The following LEPR variants were observed in gnomAD, a reference collection of about 807,000 sequenced individuals.
The protein encoded by LEPR is OB receptor.
Under a neutral mutation model 114.7 loss-of-function variants are expected in LEPR, and 56 were observed. The observed-to-expected ratio is 0.49, with a 90% CI of 0.39 to 0.61. LEPR has a LOEUF of 0.61. Ranked by LOEUF, LEPR falls within the 20% of genes least tolerant of loss-of-function variation. The pLI is 0.00. For missense variants in LEPR, 1,202 were observed against 1,352.9 expected, an observed-to-expected ratio of 0.89 and a Z score of 1.75; for synonymous variants, 443 against 461.4, an observed-to-expected ratio of 0.96 and a Z score of 0.51.
chr1:65,510,851 A>G (rs1311382415), intron 2 of LEPR, among the ~76,000 whole-genome samples: 2 of 152,112 alleles, frequency 1.3e-5, no homozygotes, highest in Non-Finnish European at 2.9e-5. Flanking sequence ...ATTGTTTTAA[A>G]TTGAATATGT....
intron 2 of LEPR, chr1:65,434,656 C>G: frequency 1.0e-6 from 1 of 985,326 alleles, no homozygotes; most frequent in African/African-American, 1.7e-5. Flanking sequence ...AACTTTCCAC[C>G]CCTTTTCCTA....
At chr1:65,540,384 T>G (rs1348567697) in intron 2 of LEPR, among the ~76,000 whole-genome samples, 2 of 152,084 alleles carry the variant, frequency 1.3e-5, no homozygotes, top group African/African-American at 4.8e-5. Flanking sequence ...GGTCATGGGG[T>G]GGGTCCCTCA....
intron 2 of LEPR, among the ~76,000 whole-genome samples, chr1:65,455,918 G>A (rs915950805): frequency 2.0e-5 from 3 of 152,242 alleles, no homozygotes; most frequent in African/African-American, 7.2e-5. Flanking sequence ...AGACTGCTGT[G>A]CTAGCAATCA....
intron 5 of LEPR, among the ~76,000 whole-genome samples, chr1:65,572,792 A>T (rs1654296388): frequency 6.6e-6 from 1 of 152,216 alleles, no homozygotes. Flanking sequence ...ACGTAGTTTT[A>T]TTCAGCAGCT....
At chr1:65,577,015 G>A (rs1282905736) in intron 5 of LEPR, 8 of 275,468 alleles carry the variant, frequency 2.9e-5, no homozygotes, top group Non-Finnish European at 5.1e-5. Context: ...GCTCATCCTA[G>A]CTCAGAAAGG....
chr1:65,464,801 T>C (rs1389217746), intron 2 of LEPR, among the ~76,000 whole-genome samples: 2 of 152,260 alleles, frequency 1.3e-5, no homozygotes, highest in East Asian at 1.9e-4. Flanking sequence ...CTAGATTTTC[T>C]AGTTTATTTG....
At chr1:65,477,658 T>C (rs1322476931) in intron 2 of LEPR, among the ~76,000 whole-genome samples, 1 of 152,228 alleles carries the variant, frequency 6.6e-6, no homozygotes, top group African/African-American at 2.4e-5. Flanking sequence ...AAGGCCATAC[T>C]GAAGAGGCCA....
intron 2 of LEPR, among the ~76,000 whole-genome samples, chr1:65,460,547 A>G (rs1305013511): frequency 6.6e-6 from 1 of 152,188 alleles, no homozygotes; most frequent in Non-Finnish European, 1.5e-5. Context: ...CTTTCAAAGA[A>G]AGAATTATTA....
chr1:65,421,410 C>T (rs1646247609), intron 1 of LEPR: 1 of 1,536,054 alleles, frequency 6.5e-7, no homozygotes. Flanking sequence ...TGTATGGCTT[C>T]AGAGCAATGC....
Position 65,633,975 on chromosome 1 carries a change from A to G in LEPR, c.2674-2216A>G, listed in dbSNP as rs986270586. Reference sequence around the variant, plus strand: ...TCTTGTTTAATTATGACCTAAATCTAATTTACTTCCACTGAACCATCCAAG... The same window carrying G: ...TCTTGTTTAATTATGACCTAAATCTGATTTACTTCCACTGAACCATCCAAG... On this transcript the variant is annotated intron_variant, in intron 19 of 19. Transcript: ENST00000349533. The surrounding 1 kb of genome is among the most constrained non-coding windows in gnomAD (Gnocchi z 4.1). The G allele has an allele frequency of 4.1e-6, 4 of 984,336 alleles. No homozygotes were observed. In the Admixed American group the frequency reaches 1.8e-4, roughly 45 times the overall value. The allele number at this position is 984,336 out of a possible 1,614,324, so 61.0% of individuals were successfully genotyped here. A position where few individuals can be genotyped will look rare whatever the true frequency, so the allele number is the denominator to read the frequency against.
chr1:65,476,664 A>G (rs1388493344), intron 2 of LEPR, among the ~76,000 whole-genome samples: 1 of 152,186 alleles, frequency 6.6e-6, no homozygotes, highest in African/African-American at 2.4e-5. Context: ...ATGGCAGCTA[A>G]ACATTTATTG....
chr1:65,453,799 C>G (rs570909957), intron 2 of LEPR, among the ~76,000 whole-genome samples: 1 of 151,930 alleles, frequency 6.6e-6, no homozygotes, highest in Non-Finnish European at 1.5e-5. Context: ...CTATTAGGTC[C>G]GCTTGGTGCA....
intron 2 of LEPR, among the ~76,000 whole-genome samples, chr1:65,461,429 T>C (rs1489870915): frequency 6.6e-6 from 1 of 151,948 alleles, no homozygotes; most frequent in Non-Finnish European, 1.5e-5. Flanking sequence ...CACACAACGA[T>C]GGGGATATGT....
In LEPR at chr1:65,576,794, C is replaced by T. The variant is rs192156183; in HGVS notation, c.494+4345C>T. The T allele has an allele frequency of 1.8e-3, 416 of 236,210 alleles. 12 individuals carry two copies. In the East Asian group the frequency reaches 0.033, roughly 19 times the overall value. 14.6% of individuals were successfully genotyped at this position (236,210 alleles called of 1,614,324 possible). On this transcript the variant is annotated intron_variant, in intron 5 of 19. Coordinates refer to ENST00000349533, the MANE Select transcript of LEPR (RefSeq NM_002303.6). ...GCCTTCAGGAGATCCATATGGTCCC[C>T]TTTTTTTGGAAAATGTGTCCTACTG...
intron 2 of LEPR, among the ~76,000 whole-genome samples, chr1:65,533,780 A>T (rs956621354): frequency 1.3e-5 from 2 of 152,132 alleles, no homozygotes; most frequent in African/African-American, 4.8e-5. Context: ...TTTCTGGTTA[A>T]TTGAAACTTT....
intron 2 of LEPR, among the ~76,000 whole-genome samples, chr1:65,468,433 G>C (rs1647042461): frequency 6.6e-6 from 1 of 152,202 alleles, no homozygotes; most frequent in African/African-American, 2.4e-5. Context: ...TACTCTCTTA[G>C]CAACTCTTCT....
Position 65,592,964 on chromosome 1 carries a change from T to G in LEPR, c.703+99T>G, listed in dbSNP as rs986106674. 33 of 1,309,358 alleles carry G rather than the reference T, an allele frequency of 2.5e-5. No homozygotes were observed. In the African/African-American group the frequency reaches 3.5e-4, roughly 14 times the overall value. 81.1% of individuals were successfully genotyped at this position (1,309,358 alleles called of 1,614,324 possible). A position where few individuals can be genotyped will look rare whatever the true frequency, so the allele number is the denominator to read the frequency against. ...AAATATTTGCTAGCTTATCTCACTTTGCTTAACACTGTAATGATGGTAGAT... is the reference window on the plus strand; with the variant it reads ...AAATATTTGCTAGCTTATCTCACTTGGCTTAACACTGTAATGATGGTAGAT... On this transcript the variant is annotated intron_variant, in intron 6 of 19. Transcript: ENST00000349533.
At chr1:65,421,975 TAAATG>T in intron 1 of LEPR, among the ~76,000 whole-genome samples, 1 of 152,280 alleles carries the variant, frequency 6.6e-6, no homozygotes, top group Non-Finnish European at 1.5e-5. Context: ...GATACAAAGA[TAAATG>T]AGAAGTTATT....
chr1:65,596,678 C>A, intron 7 of LEPR, 85 bp downstream of exon 7: 1 of 1,174,990 alleles, frequency 8.5e-7, no homozygotes, highest in Non-Finnish European at 1.2e-6. Flanking sequence ...CCTCTGCATA[C>A]TAAATATATA....
Sources: gnomAD v4.1 joint callset for allele counts (sites outside exome capture counted in the v4.1 genomes callset) on GRCh38, gnomAD v4.1.1 for gene constraint, Gnocchi (gnomAD v3.1) non-coding constraint, MANE v1.5 for transcripts, NCBI Gene and HGNC (gene_info 2026-07-23, HGNC 2026-07-21) for gene names.